GABRA3: variants seen among roughly 807,000 people sequenced by gnomAD.
The protein encoded by GABRA3 is gamma-aminobutyric acid receptor subunit alpha-3.
Under a neutral mutation model 30.1 loss-of-function variants are expected in GABRA3, and 10 were observed. The observed-to-expected ratio is 0.33, with a 90% CI of 0.20 to 0.56. The LOEUF (loss-of-function observed/expected upper bound fraction) is 0.56. GABRA3 is among the 20% of genes least tolerant of loss of function. GABRA3 has a pLI of 0.89. For missense variants in GABRA3, 233 were observed against 392.0 expected (o/e 0.59, Z 3.42); for synonymous variants, 151 against 146.8 (o/e 1.03, Z -0.21).
intron 1 of GABRA3, among the ~76,000 whole-genome samples, chrX:152,428,570 C>G (rs1353115020): frequency 8.9e-6 from 1 of 111,830 alleles, no homozygotes; most frequent in Non-Finnish European, 1.9e-5. Context: ...CCAGCCCCCA[C>G]TGAGCATATA....
At chrX:152,303,771 T>C (rs1486689931) in intron 3 of GABRA3, among the ~76,000 whole-genome samples, 1 of 99,978 alleles carries the variant, frequency 1.0e-5, no homozygotes, top group Non-Finnish European at 2.0e-5. Context: ...TGAGAACACA[T>C]GGACACAGGG....
chrX:152,433,026 T>TA (rs767041962), intron 1 of GABRA3, among the ~76,000 whole-genome samples: 43 of 110,180 alleles, frequency 3.9e-4, no homozygotes, highest in African/African-American at 1.1e-3. Flanking sequence ...TAACATATTA[T>TA]AAAAAAAAGA....
rs756627711 is a variant in GABRA3, at chrX:152,417,114, G to C, written c.-27+34032C>G. 4.0e-4 allele frequency among the ~76,000 whole-genome samples: 43 copies of C among 106,351 alleles called. No individual in the cohort carries two copies. The South Asian group carries it at 0.01, about 25-fold the overall frequency. The allele number at this position is 106,351 out of a possible 115,157, so 92.4% of individuals were successfully genotyped here. ...ACCTACAAAATGGGAGAAAATTTTCGCAACCTACTCATCTGACAAAGGGCT... is the reference window on the plus strand; with the variant it reads ...ACCTACAAAATGGGAGAAAATTTTCCCAACCTACTCATCTGACAAAGGGCT... On this transcript the variant is annotated intron_variant, in intron 1 of 9. Transcript: ENST00000370314.
intron 1 of GABRA3, among the ~76,000 whole-genome samples, chrX:152,405,523 C>A (rs1326363048): frequency 1.8e-5 from 2 of 109,942 alleles, no homozygotes; most frequent in Non-Finnish European, 3.8e-5. Flanking sequence ...CTGTGTCACA[C>A]TTTCCCCAAC....
intron 1 of GABRA3, among the ~76,000 whole-genome samples, chrX:152,446,546 C>A (rs1986923579): frequency 9.2e-6 from 1 of 108,804 alleles, no homozygotes. Flanking sequence ...ATTGTTCTCT[C>A]CCATATCCTA....
intron 5 of GABRA3, among the ~76,000 whole-genome samples, chrX:152,251,694 C>A (rs369888941): frequency 5.4e-4 from 60 of 110,714 alleles, no homozygotes; most frequent in African/African-American, 1.9e-3. Flanking sequence ...CCACTCCATT[C>A]TTTCCACAAT....
intron 1 of GABRA3, among the ~76,000 whole-genome samples, chrX:152,417,094 CA>C (rs1470385525): frequency 9.6e-6 from 1 of 104,552 alleles, no homozygotes; most frequent in Non-Finnish European, 1.9e-5. Context: ...AGGCAACCTA[CA>C]AAATGGGAGA....
chrX:152,224,700 T>C, intron 6 of GABRA3, 63 bp downstream of exon 6: 2 of 822,067 alleles, frequency 2.4e-6, no homozygotes, highest in South Asian at 2.3e-5. Flanking sequence ...ATATAATATG[T>C]TAAGTTTCTT....
intron 3 of GABRA3, among the ~76,000 whole-genome samples, chrX:152,341,271 T>C (rs762743435): frequency 9.0e-6 from 1 of 111,558 alleles, no homozygotes; most frequent in Non-Finnish European, 1.9e-5. Context: ...CTTTTTCCAC[T>C]CATTGGTTGA....
intron 3 of GABRA3, among the ~76,000 whole-genome samples, chrX:152,294,710 T>G (rs1357838752): frequency 1.8e-5 from 2 of 111,722 alleles, no homozygotes; most frequent in Non-Finnish European, 3.8e-5. Flanking sequence ...GAAGAGGCAC[T>G]CTGGTTTTTA....
intron 1 of GABRA3, among the ~76,000 whole-genome samples, chrX:152,444,392 A>AG (rs1417191879): frequency 8.9e-6 from 1 of 111,978 alleles, no homozygotes; most frequent in East Asian, 2.8e-4. Flanking sequence ...ACTACAAGGA[A>AG]GGGGAACAGC....
At position 152,282,441 on chromosome X, in the gene GABRA3, A is replaced by G. The variant is rs139939839; in HGVS notation, c.330+2227T>C. Among the ~76,000 whole-genome samples the G allele has an allele frequency of 4.0e-3, 441 of 111,283 alleles. 5 individuals carry two copies. The highest frequency in any genetic ancestry group is 0.013 in the African/African-American group (411 of 30,596). On this transcript the variant is annotated intron_variant, in intron 4 of 9. Transcript: ENST00000370314. ...CAGAAAAAAAAACATTTCTCAAAAC[A>G]CCCGAAATATGCTTTTTAGCCAGAA... is the stretch of plus-strand genomic sequence containing the variant.
chrX:152,392,511 G>A (rs775424845), intron 1 of GABRA3, among the ~76,000 whole-genome samples: 1 of 111,979 alleles, frequency 8.9e-6, no homozygotes, highest in Admixed American at 9.5e-5. Context: ...AAGGGCATAA[G>A]CACATTCATA....
chrX:152,267,121 T>C (rs1938839892), intron 4 of GABRA3, among the ~76,000 whole-genome samples: 2 of 112,546 alleles, frequency 1.8e-5, no homozygotes, highest in African/African-American at 6.4e-5. Flanking sequence ...ATTTTTTCAC[T>C]GTTTAACACA....
At chrX:152,374,081 T>C (rs1928920024) in intron 1 of GABRA3, among the ~76,000 whole-genome samples, 1 of 111,330 alleles carries the variant, frequency 9.0e-6, no homozygotes, top group African/African-American at 3.3e-5. Flanking sequence ...TTTTTTCATA[T>C]GTTTGTTGGC....
intron 3 of GABRA3, among the ~76,000 whole-genome samples, chrX:152,314,653 C>A (rs916461128): frequency 8.9e-6 from 1 of 111,997 alleles, no homozygotes; most frequent in Admixed American, 9.5e-5. Flanking sequence ...GCTATTCCCT[C>A]CACCTGGAAA....
chrX:152,405,211 C>A (rs760063270), intron 1 of GABRA3, among the ~76,000 whole-genome samples: 11 of 105,332 alleles, frequency 1.0e-4, no homozygotes, highest in Non-Finnish European at 2.1e-4. Context: ...AACTCAGTGG[C>A]CCTGTCACAG....
intron 1 of GABRA3, among the ~76,000 whole-genome samples, chrX:152,425,866 C>T (rs1930502934): frequency 9.1e-6 from 1 of 110,258 alleles, no homozygotes; most frequent in Non-Finnish European, 1.9e-5. Flanking sequence ...GCCCAGAAAA[C>T]TCTTCCTCAT....
chrX:152,424,120 T>A (rs1602722848), intron 1 of GABRA3, among the ~76,000 whole-genome samples: 1 of 110,866 alleles, frequency 9.0e-6, no homozygotes, highest in African/African-American at 3.3e-5. Flanking sequence ...TGAATTAATT[T>A]TCTCTAGATC....
Sources: allele counts gnomAD v4.1 joint callset (sites outside exome capture counted in the v4.1 genomes callset), GRCh38; gene constraint gnomAD v4.1.1; transcripts MANE v1.5; gene names NCBI Gene and HGNC (gene_info 2026-07-23, HGNC 2026-07-21).